TANGO6: variants seen among roughly 807,000 people sequenced by gnomAD.
TANGO6 encodes the protein transport and golgi organization 6 homolog, also known as transport and Golgi organization protein 6 homolog.
In TANGO6, 90 loss-of-function variants were observed where a neutral mutation model predicts 114.2. That is an observed-to-expected ratio of 0.79 (90% CI 0.66 to 0.94). The LOEUF (loss-of-function observed/expected upper bound fraction) is 0.94, where lower values mean the gene tolerates loss of function less well. Among genes scored for constraint, TANGO6 ranks in the 40% least tolerant of loss-of-function variants. The pLI is 0.00. For missense variants in TANGO6, 1,274 were observed against 1,315.3 expected (o/e 0.97, Z 0.49); for synonymous variants, 477 against 509.8 (o/e 0.94, Z 0.87).
At chr16:68,988,803 G>A (rs1456399447) in intron 15 of TANGO6, among the ~76,000 whole-genome samples, 1 of 149,366 alleles carries the variant, frequency 6.7e-6, no homozygotes, top group Non-Finnish European at 1.5e-5. Flanking sequence ...GGGCTCAAGT[G>A]GTCCTCCCAC....
chr16:68,866,244 GTTT>G (rs547304926), intron 3 of TANGO6, among the ~76,000 whole-genome samples: 1 of 142,732 alleles, frequency 7.0e-6, no homozygotes, highest in Admixed American at 7.0e-5. Flanking sequence ...GTTTTGTAAA[GTTT>G]TTTTTTTTTT....
chr16:69,042,259 T>C (rs747707488), intron 17 of TANGO6, among the ~76,000 whole-genome samples: 8 of 152,094 alleles, frequency 5.3e-5, no homozygotes, highest in Non-Finnish European at 1.2e-4. Flanking sequence ...TCATAAAAAC[T>C]TCTGTAGCCG....
intron 1 of TANGO6, among the ~76,000 whole-genome samples, chr16:68,854,043 A>G (rs986151124): frequency 5.9e-5 from 9 of 152,186 alleles, no homozygotes; most frequent in African/African-American, 2.2e-4. Context: ...ATGTACTGCA[A>G]ACATTTTCTC....
At chr16:68,990,261 A>G (rs1454385592) in intron 15 of TANGO6, among the ~76,000 whole-genome samples, 1 of 152,180 alleles carries the variant, frequency 6.6e-6, no homozygotes, top group Non-Finnish European at 1.5e-5. Flanking sequence ...ATAAAGAAAA[A>G]GAGGTTTAAT....
chr16:68,930,411 C>A, intron 14 of TANGO6, 116 bp downstream of exon 14: 1 of 797,000 alleles, frequency 1.3e-6, no homozygotes, highest in Non-Finnish European at 2.1e-6. Context: ...TTTTGTCCGT[C>A]TTCCTGCCTC....
At chr16:68,878,644 A>G (rs1269098013) in intron 6 of TANGO6, among the ~76,000 whole-genome samples, 2 of 152,164 alleles carry the variant, frequency 1.3e-5, no homozygotes, top group Admixed American at 1.3e-4. Flanking sequence ...CTACATAACC[A>G]CAAGGCGATT....
intron 7 of TANGO6, among the ~76,000 whole-genome samples, chr16:68,883,231 T>C (rs1204775121): frequency 1.3e-5 from 2 of 151,884 alleles, no homozygotes; most frequent in African/African-American, 4.8e-5. Flanking sequence ...AAATAAAGTG[T>C]ACAGGCATGC....
At chr16:69,054,389 C>T (rs139163870) in intron 17 of TANGO6, among the ~76,000 whole-genome samples, 1 of 152,294 alleles carries the variant, frequency 6.6e-6, no homozygotes, top group East Asian at 1.9e-4. Flanking sequence ...ACCAGGTCTT[C>T]TGTTCACCCT....
At chr16:68,963,992 T>G (rs1963619863) in intron 14 of TANGO6, among the ~76,000 whole-genome samples, 1 of 152,178 alleles carries the variant, frequency 6.6e-6, no homozygotes, top group Admixed American at 6.5e-5. Context: ...GTGGTCATTC[T>G]GCTGTGTTAG....
intron 11 of TANGO6, among the ~76,000 whole-genome samples, chr16:68,912,620 CAA>C (rs372461109): frequency 4.6e-5 from 7 of 151,624 alleles, no homozygotes; most frequent in Non-Finnish European, 7.4e-5. Context: ...GGCTGGGTAA[CAA>C]GAGCAAAACT....
intron 14 of TANGO6, chr16:68,937,844 C>T (rs1408521039): frequency 1.3e-5 from 2 of 152,126 alleles, no homozygotes; most frequent in East Asian, 1.9e-4. Flanking sequence ...CAGGCGCATT[C>T]GGGGTGGTAT....
At chr16:69,078,139 C>A (rs1415166749) in intron 17 of TANGO6, among the ~76,000 whole-genome samples, 2 of 152,134 alleles carry the variant, frequency 1.3e-5, no homozygotes, top group African/African-American at 4.8e-5. Context: ...GGCTGAGGGA[C>A]TAGCATATGC....
At chr16:68,985,638 G>A (rs1483637037) in intron 15 of TANGO6, among the ~76,000 whole-genome samples, 2 of 152,080 alleles carry the variant, frequency 1.3e-5, no homozygotes, top group Non-Finnish European at 2.9e-5. Context: ...ACCTGAGCCC[G>A]GGAGGTCAAG....
intron 9 of TANGO6, among the ~76,000 whole-genome samples, chr16:68,905,084 T>C (rs865834403): frequency 1.3e-5 from 2 of 150,878 alleles, no homozygotes; most frequent in African/African-American, 2.4e-5. Flanking sequence ...TAGCCGGGCG[T>C]GGTGGCATGG....
intron 17 of TANGO6, among the ~76,000 whole-genome samples, chr16:69,045,042 C>T (rs113189805): frequency 3.3e-5 from 5 of 151,688 alleles, no homozygotes; most frequent in Admixed American, 1.3e-4. Flanking sequence ...CACTTGTAAT[C>T]CCAGTTCGGG....
chr16:68,907,613 A>G (rs1341912292), intron 10 of TANGO6, 38 bp downstream of exon 10: 12 of 1,564,752 alleles, frequency 7.7e-6, no homozygotes, highest in Admixed American at 2.1e-5. Context: ...GTGTTGTTCC[A>G]GGGGAGTTCC....
chr16:68,978,468 A>G (rs571799213), intron 15 of TANGO6, among the ~76,000 whole-genome samples: 1 of 152,324 alleles, frequency 6.6e-6, no homozygotes, highest in East Asian at 1.9e-4. Context: ...CCAACTGTAA[A>G]CATAGCCTTA....
chr16:68,881,008 C>T (rs1480898279), intron 7 of TANGO6, among the ~76,000 whole-genome samples: 1 of 151,826 alleles, frequency 6.6e-6, no homozygotes, highest in Non-Finnish European at 1.5e-5. Context: ...AGGTAGGTCT[C>T]GAACTCCTGG....
chr16:69,015,706 C>T (rs905182595), intron 15 of TANGO6, among the ~76,000 whole-genome samples: 2 of 151,968 alleles, frequency 1.3e-5, no homozygotes, highest in African/African-American at 4.8e-5. Context: ...TGGTCTCGAT[C>T]TCCTGACCTC....
Sources: allele counts gnomAD v4.1 joint callset (sites outside exome capture counted in the v4.1 genomes callset), GRCh38; gene constraint gnomAD v4.1.1; transcripts MANE v1.5; gene names NCBI Gene and HGNC (gene_info 2026-07-23, HGNC 2026-07-21).